DLGAP3: variants seen among roughly 807,000 people sequenced by gnomAD.
The protein encoded by DLGAP3 is disks large-associated protein 3.
A neutral mutation model predicts 81.2 loss-of-function variants in DLGAP3; 17 were observed. The observed-to-expected ratio is 0.21, with a 90% CI of 0.14 to 0.31. The LOEUF (loss-of-function observed/expected upper bound fraction) is 0.31, where lower values mean the gene tolerates loss of function less well. DLGAP3 is among the 10% of genes least tolerant of loss of function. DLGAP3 has a pLI of 1.00. For synonymous variants in DLGAP3, 577 were observed against 587.4 expected (o/e 0.98, Z 0.26); for missense variants, 1,124 against 1,388.0 (o/e 0.81, Z 3.02).
intron 1 of DLGAP3, among the ~76,000 whole-genome samples, chr1:34,927,701 C>A (rs774923467): frequency 6.6e-6 from 1 of 151,954 alleles, no homozygotes; most frequent in Non-Finnish European, 1.5e-5. Flanking sequence ...CTTCTCCCCC[C>A]ACCCCCCACT....
chr1:34,867,480 A>G lies in DLGAP3; in HGVS notation c.2577+56T>C, dbSNP rs933408381. 2.1e-6 allele frequency: 3 copies of G among 1,461,946 alleles called. No individual in the cohort carries two copies. The Admixed American group carries it at 5.0e-5, about 24-fold the overall frequency. 90.6% of individuals were successfully genotyped at this position (1,461,946 alleles called of 1,614,324 possible). A position where few individuals can be genotyped will look rare whatever the true frequency, so the allele number is the denominator to read the frequency against. ...GTCACCTGCCTGTCTCACCTCCAGC[A>G]CACACACACTCTGGGTCACATGTAT... On this transcript the variant is annotated intron_variant, in intron 10 of 11. Transcript: ENST00000373347. This position sits in a 1 kb window ranked among gnomAD's most constrained non-coding sequence, Gnocchi z 4.3.
chr1:34,868,613 G>T lies in DLGAP3; in HGVS notation c.2477C>A (p.Pro826His), dbSNP rs766718999. 2 of 1,612,628 alleles carry T rather than the reference G, an allele frequency of 1.2e-6. No homozygotes were observed. Among genetic ancestry groups the T allele is most frequent in the East Asian group, 4.5e-5 (2 of 44,896 alleles). The change falls in exon 9 of 12, where the codon CCC becomes CAC. Residue 826 changes from proline to histidine, a missense_variant. Pro to His is a moderately conservative substitution (Grantham distance 77, BLOSUM62 -2). Around this residue, in one of 9 missense-constraint regions of DLGAP3, gnomAD observed 379 missense variants for 455.7 expected, o/e 0.83. Transcript: ENST00000373347. The surrounding 1 kb of genome is among the most constrained non-coding windows in gnomAD (Gnocchi z 7.5). ...MEREAEDYEL[P>H]EEILEKIRSA... ...CCGATGCCGTGACTCACTCTCCTCG[G>T]GTAGCTCATAGTCCTCCGCCTCACG... is the stretch of plus-strand genomic sequence containing the variant.
chr1:34,905,572 G>A (rs1639537900), intron 2 of DLGAP3, 138 bp from the exon 3 acceptor site: 1 of 647,718 alleles, frequency 1.5e-6, no homozygotes, highest in East Asian at 3.0e-5. Flanking sequence ...TCCCACAAAT[G>A]GACTAAAAAG....
chr1:34,922,524 CCA>C (rs146010934), intron 1 of DLGAP3, among the ~76,000 whole-genome samples: 17 of 151,034 alleles, frequency 1.1e-4, no homozygotes, highest in East Asian at 1.9e-4. Context: ...GATAAGCACA[CCA>C]CACACACACA....
At chr1:34,926,482 T>C (rs1639874444) in intron 1 of DLGAP3, among the ~76,000 whole-genome samples, 1 of 152,128 alleles carries the variant, frequency 6.6e-6, no homozygotes, top group Non-Finnish European at 1.5e-5. Context: ...AATCAAGACA[T>C]AATGCTTGCA....
rs1271316154 is a variant in DLGAP3 at position 34,895,504 on chromosome 1, C to T, written c.1386+4165G>A. Among the ~76,000 whole-genome samples, 1 of 151,702 alleles carries T rather than the reference C, an allele frequency of 6.6e-6. No homozygotes were observed. Among genetic ancestry groups the T allele is most frequent in the African/African-American group, 2.4e-5 (1 of 41,282 alleles). ...TAATATTGTTAAGAATACAATACTC[C>T]ATAAATTAATCTACACATTCAGAGC... On this transcript the variant is annotated intron_variant, in intron 5 of 11. Transcript: ENST00000373347. This position sits in a 1 kb window ranked among gnomAD's most constrained non-coding sequence, Gnocchi z 4.5.
chr1:34,892,895 G>A (rs183752874), intron 5 of DLGAP3, among the ~76,000 whole-genome samples: 25 of 152,248 alleles, frequency 1.6e-4, no homozygotes, highest in South Asian at 2.1e-4. Flanking sequence ...ACACACGGCC[G>A]GGCGCGGTGG....
chr1:34,904,457 T>G lies in DLGAP3; in HGVS notation c.927A>C (p.Glu309Asp). The G allele has an allele frequency of 6.2e-7, 1 of 1,614,146 alleles. No individual in the cohort carries two copies. The highest frequency in any genetic ancestry group is 8.5e-7 in the Non-Finnish European group (1 of 1,180,024). Residue 309 changes from glutamate (E) to aspartate (D), a missense_variant, in exon 3 of 12, where the codon GAA becomes GAC. Around this residue, in one of 9 missense-constraint regions of DLGAP3, gnomAD observed 357 missense variants for 408.8 expected, o/e 0.87. Coordinates refer to ENST00000373347, the MANE Select transcript of DLGAP3 (RefSeq NM_001080418.3). The surrounding 1 kb of genome is among the most constrained non-coding windows in gnomAD (Gnocchi z 8.1). ...TGCCAGTGCAGGCAAGGCAGCGGCCTTCCGACCCGCCCGAGCGCCCCTTGA... is the reference window on the plus strand; with the variant it reads ...TGCCAGTGCAGGCAAGGCAGCGGCCGTCCGACCCGCCCGAGCGCCCCTTGA... ...LSFKGRSGGS[E>D]GRCLACTGMS...
chr1:34,876,036 G>C (rs974283387), intron 8 of DLGAP3, among the ~76,000 whole-genome samples: 1 of 152,266 alleles, frequency 6.6e-6, no homozygotes, highest in Non-Finnish European at 1.5e-5. Context: ...TTCGTGGTAA[G>C]CTTTGCATGG....
At chr1:34,891,807 T>C (rs1639315101) in intron 5 of DLGAP3, among the ~76,000 whole-genome samples, 1 of 152,032 alleles carries the variant, frequency 6.6e-6, no homozygotes, top group Non-Finnish European at 1.5e-5. Flanking sequence ...AGGCTTAAAA[T>C]AAAAATAAGA....
At chr1:34,866,388 C>A in intron 11 of DLGAP3, 87 bp from the exon 12 acceptor site, 1 of 1,154,924 alleles carries the variant, frequency 8.7e-7, no homozygotes, top group Admixed American at 2.9e-5. Flanking sequence ...GCCCAGAGTG[C>A]TGACGACCGC....
At chr1:34,910,321 T>C (rs535586793) in intron 1 of DLGAP3, among the ~76,000 whole-genome samples, 1 of 152,230 alleles carries the variant, frequency 6.6e-6, no homozygotes, top group Non-Finnish European at 1.5e-5. Context: ...CCTGCCTGCA[T>C]GTCTGCACGT....
At chr1:34,926,234 C>T (rs1402422981) in intron 1 of DLGAP3, among the ~76,000 whole-genome samples, 1 of 152,200 alleles carries the variant, frequency 6.6e-6, no homozygotes, top group East Asian at 1.9e-4. Context: ...TATTCCCAGA[C>T]CCCTCCATCA....
At chr1:34,899,849 C>A in intron 4 of DLGAP3, 108 bp from the exon 5 acceptor site, 1 of 1,120,324 alleles carries the variant, frequency 8.9e-7, no homozygotes, top group Non-Finnish European at 1.4e-6. Flanking sequence ...TCAGAACCCC[C>A]AAAGAGAGAT....
At chr1:34,921,985 T>C (rs1333752263) in intron 1 of DLGAP3, among the ~76,000 whole-genome samples, 1 of 152,174 alleles carries the variant, frequency 6.6e-6, no homozygotes, top group Non-Finnish European at 1.5e-5. Flanking sequence ...TATTGTCACA[T>C]CTTGTATGTA....
Position 34,895,622 on chromosome 1 carries a change from G to C in DLGAP3, c.1386+4047C>G, listed in dbSNP as rs1012647676. 2.4e-4 allele frequency among the ~76,000 whole-genome samples: 36 copies of C among 152,016 alleles called. No individual in the cohort carries two copies. The highest frequency in any genetic ancestry group is 8.4e-4 in the African/African-American group (35 of 41,456). On this transcript the variant is annotated intron_variant, in intron 5 of 11. Transcript: ENST00000373347. This position sits in a 1 kb window ranked among gnomAD's most constrained non-coding sequence, Gnocchi z 4.5. ...ATGCAAAGGAAACACAAAACACAAA[G>C]CAGTCTTTAAAAGGAGTAACAAAAT... is the stretch of plus-strand genomic sequence containing the variant.
chr1:34,876,702 A>C (rs1007916513), intron 8 of DLGAP3, among the ~76,000 whole-genome samples: 1 of 152,190 alleles, frequency 6.6e-6, no homozygotes, highest in Admixed American at 6.5e-5. Flanking sequence ...CTGAATTCCC[A>C]GTGTGATCAC....
At chr1:34,880,632 G>A (rs1343666172) in intron 8 of DLGAP3, among the ~76,000 whole-genome samples, 6 of 151,872 alleles carry the variant, frequency 4.0e-5, no homozygotes, top group South Asian at 2.1e-4. Context: ...TCGGGAGGTG[G>A]AAGTTGCAGT....
In DLGAP3 at chr1:34,867,027, C is replaced by T. The variant is rs759061186; in HGVS notation, c.2721+21G>A. The T allele has an allele frequency of 1.9e-6, 3 of 1,613,966 alleles. No homozygotes were observed. The highest frequency in any genetic ancestry group is 1.7e-4 in the Middle Eastern group (1 of 6,030). On this transcript the variant is annotated intron_variant, in intron 11 of 11. Coordinates refer to ENST00000373347, the MANE Select transcript of DLGAP3 (RefSeq NM_001080418.3). This position sits in a 1 kb window ranked among gnomAD's most constrained non-coding sequence, Gnocchi z 4.3. ...ATTTCCCAGAGTCTGGCCTCTTTGCCTGAAGGCACCCCAGCCCCACCTTAG... is the reference window on the plus strand; with the variant it reads ...ATTTCCCAGAGTCTGGCCTCTTTGCTTGAAGGCACCCCAGCCCCACCTTAG...
Sources: gnomAD v4.1 joint callset for allele counts (sites outside exome capture counted in the v4.1 genomes callset) on GRCh38, gnomAD v4.1.1 for gene constraint, gnomAD v4.1.1 regional missense constraint, Gnocchi (gnomAD v3.1) non-coding constraint, MANE v1.5 for transcripts, NCBI Gene and HGNC (gene_info 2026-07-23, HGNC 2026-07-21) for gene names.